The following SNTG2 variants were observed in gnomAD, a reference collection of about 807,000 sequenced individuals.
SNTG2 encodes the protein syntrophin gamma 2.
A neutral mutation model predicts 70.9 loss-of-function variants in SNTG2; 74 were observed. That is an observed-to-expected ratio of 1.04 (90% CI 0.86 to 1.27). The LOEUF is 1.27. Among genes scored for constraint, SNTG2 ranks in the 50% most tolerant of loss-of-function variants. The pLI, the probability that SNTG2 is intolerant of heterozygous loss-of-function variation, is 0.00. For missense variants in SNTG2, 717 were observed against 690.7 expected (o/e 1.04, Z -0.43); for synonymous variants, 278 against 273.8 (o/e 1.02, Z -0.15).
chr2:1,018,940 C>T (rs1660001360), intron 1 of SNTG2, among the ~76,000 whole-genome samples: 1 of 152,154 alleles, frequency 6.6e-6, no homozygotes, highest in African/African-American at 2.4e-5. Flanking sequence ...AAGAGATGCC[C>T]ATTGTCCTCC....
chr2:1,253,508 G>C (rs774108096), intron 12 of SNTG2, among the ~76,000 whole-genome samples: 1 of 152,120 alleles, frequency 6.6e-6, no homozygotes, highest in East Asian at 1.9e-4. Context: ...AGCAGTCTAC[G>C]TCAGAAAATT....
intron 7 of SNTG2, among the ~76,000 whole-genome samples, chr2:1,168,315 A>G (rs1670888808): frequency 6.6e-6 from 1 of 152,024 alleles, no homozygotes; most frequent in South Asian, 2.1e-4. Context: ...ACTGAAGCCT[A>G]CAGGCCGCCC....
chr2:1,007,735 A>G (rs568615395), intron 1 of SNTG2, among the ~76,000 whole-genome samples: 3 of 152,330 alleles, frequency 2.0e-5, no homozygotes, highest in African/African-American at 7.2e-5. Flanking sequence ...TTATAAACTC[A>G]GTGGACAATA....
intron 16 of SNTG2, among the ~76,000 whole-genome samples, chr2:1,355,098 C>T (rs1404039311): frequency 2.0e-5 from 3 of 152,208 alleles, no homozygotes; most frequent in African/African-American, 4.8e-5. Context: ...CATTTCACAC[C>T]GTGGTTCTTA....
At chr2:1,002,699 A>G (rs1489378976) in intron 1 of SNTG2, among the ~76,000 whole-genome samples, 2 of 151,336 alleles carry the variant, frequency 1.3e-5, no homozygotes, top group Non-Finnish European at 2.9e-5. Flanking sequence ...TCAAAAAAAA[A>G]AAAAACCTAA....
chr2:1,058,731 TG>T (rs1662622300), intron 1 of SNTG2, among the ~76,000 whole-genome samples: 1 of 152,206 alleles, frequency 6.6e-6, no homozygotes, highest in Admixed American at 6.5e-5. Flanking sequence ...AGCCTGTCTT[TG>T]TAGAGGCTCA....
At chr2:1,314,053 T>C (rs1205486134) in intron 15 of SNTG2, among the ~76,000 whole-genome samples, 1 of 152,226 alleles carries the variant, frequency 6.6e-6, no homozygotes, top group Non-Finnish European at 1.5e-5. Flanking sequence ...TACATAGATA[T>C]TTTTGCACTT....
At chr2:981,471 TCA>T (rs1440091027) in intron 1 of SNTG2, among the ~76,000 whole-genome samples, 2 of 151,606 alleles carry the variant, frequency 1.3e-5, no homozygotes, top group Non-Finnish European at 2.9e-5. Flanking sequence ...GCACACATGC[TCA>T]CACATGCACA....
rs6733500 is a variant in SNTG2 at position 1,099,077 on chromosome 2, C to T, written c.325+667C>T. 8.7e-3 allele frequency among the ~76,000 whole-genome samples: 1,331 copies of T among 152,316 alleles called. 14 individuals carry two copies. The highest frequency in any genetic ancestry group is 0.031 in the African/African-American group (1,273 of 41,566). On this transcript the variant is annotated intron_variant, in intron 4 of 16. Coordinates refer to ENST00000308624, the MANE Select transcript of SNTG2 (RefSeq NM_018968.4). Reference sequence around the variant, plus strand: ...GATTTTGGACATAATGAACCCCCTGCGGTAAACTCCATGCATCTGTCTCCC... The same window carrying T: ...GATTTTGGACATAATGAACCCCCTGTGGTAAACTCCATGCATCTGTCTCCC...
intron 2 of SNTG2, among the ~76,000 whole-genome samples, chr2:1,095,734 C>T (rs913434229): frequency 2.0e-5 from 3 of 152,150 alleles, no homozygotes; most frequent in Non-Finnish European, 1.5e-5. Context: ...TATTTTCTCT[C>T]GTCTTGTACT....
intron 8 of SNTG2, among the ~76,000 whole-genome samples, chr2:1,190,974 A>G (rs1672558432): frequency 6.6e-6 from 1 of 152,206 alleles, no homozygotes; most frequent in Non-Finnish European, 1.5e-5. Flanking sequence ...ATGGATACAA[A>G]CACCAGAGCT....
At chr2:988,791 T>G (rs1661409927) in intron 1 of SNTG2, among the ~76,000 whole-genome samples, 1 of 152,186 alleles carries the variant, frequency 6.6e-6, no homozygotes, top group Admixed American at 6.5e-5. Flanking sequence ...CAAAAACACC[T>G]GGTGCCATTT....
At chr2:967,931 A>C (rs1200240813) in intron 1 of SNTG2, among the ~76,000 whole-genome samples, 1 of 152,164 alleles carries the variant, frequency 6.6e-6, no homozygotes, top group Non-Finnish European at 1.5e-5. Flanking sequence ...CAGGAGAGGC[A>C]GGAGAATTGC....
At chr2:1,109,437 AT>A (rs1192260216) in intron 4 of SNTG2, among the ~76,000 whole-genome samples, 1 of 152,166 alleles carries the variant, frequency 6.6e-6, no homozygotes, top group Non-Finnish European at 1.5e-5. Context: ...AATTCCTGAC[AT>A]TGATACTTGT....
intron 1 of SNTG2, among the ~76,000 whole-genome samples, chr2:1,018,557 G>A (rs927551429): frequency 1.6e-4 from 24 of 152,216 alleles, no homozygotes; most frequent in African/African-American, 3.6e-4. Flanking sequence ...GGTTGGGGCC[G>A]CTGTCAGACC....
chr2:1,287,934 C>T (rs1679831910), intron 14 of SNTG2, among the ~76,000 whole-genome samples: 1 of 142,774 alleles, frequency 7.0e-6, no homozygotes, highest in Admixed American at 7.1e-5. Flanking sequence ...CACACAGCAT[C>T]GTGATGGACA....
chr2:1,148,620 G>A (rs1279774542), intron 6 of SNTG2, among the ~76,000 whole-genome samples: 1 of 152,184 alleles, frequency 6.6e-6, no homozygotes. Flanking sequence ...AGCTCCCGGG[G>A]CGGGATGCAC....
At chr2:1,170,147 T>C (rs1044663272) in intron 7 of SNTG2, among the ~76,000 whole-genome samples, 2 of 140,208 alleles carry the variant, frequency 1.4e-5, no homozygotes, top group African/African-American at 5.0e-5. Flanking sequence ...AAAACGTTTA[T>C]CAAAGAGAAA....
intron 3 of SNTG2, 24 bp downstream of exon 3, chr2:1,098,276 C>A: frequency 6.2e-7 from 1 of 1,613,854 alleles, no homozygotes; most frequent in Non-Finnish European, 8.5e-7. Context: ...TTTCTCTATT[C>A]CTGCTTTTTA....
Sources: allele counts gnomAD v4.1 joint callset (sites outside exome capture counted in the v4.1 genomes callset), GRCh38; gene constraint gnomAD v4.1.1; transcripts MANE v1.5; gene names NCBI Gene and HGNC (gene_info 2026-07-23, HGNC 2026-07-21).